The following GRM1 variants were observed in gnomAD, a reference collection of about 807,000 sequenced individuals.
GRM1 encodes the protein glutamate metabotropic receptor 1.
GRM1 carries 33 observed loss-of-function variants against 90.9 expected under a neutral mutation model. The observed-to-expected ratio is 0.36, with a 90% CI of 0.28 to 0.49. GRM1 has a LOEUF of 0.49. Ranked by LOEUF, GRM1 falls within the 20% of genes least tolerant of loss-of-function variation. The pLI, the probability that GRM1 is intolerant of heterozygous loss-of-function variation, is 0.99. For synonymous variants in GRM1, 700 were observed against 613.2 expected, an observed-to-expected ratio of 1.14 and a Z score of -2.09; for missense variants, 1,190 against 1,534.3, an observed-to-expected ratio of 0.78 and a Z score of 3.75.
intron 6 of GRM1, among the ~76,000 whole-genome samples, chr6:146,397,473 CAAAAAAAAAAGAAAAAAAAAAA>C (rs899472653): frequency 6.6e-4 from 11 of 16,762 alleles, no homozygotes; most frequent in African/African-American, 2.0e-3. Context: ...GACCCCGTCT[CAAAAAAAAAAGAAAAAAAAAAA>C]AAAAAAAAAA....
At chr6:146,169,533 A>G (rs1276968624) in intron 2 of GRM1, among the ~76,000 whole-genome samples, 1 of 152,118 alleles carries the variant, frequency 6.6e-6, no homozygotes, top group African/African-American at 2.4e-5. Context: ...TAAAGACTGG[A>G]GGGAATCCCT....
At chr6:146,367,431 T>C (rs968291912) in intron 5 of GRM1, among the ~76,000 whole-genome samples, 8 of 152,148 alleles carry the variant, frequency 5.3e-5, no homozygotes, top group Admixed American at 1.3e-4. Context: ...TCTATTTTTA[T>C]TTTTTACTTT....
At chr6:146,230,157 G>T (rs954418860) in intron 2 of GRM1, among the ~76,000 whole-genome samples, 6 of 152,126 alleles carry the variant, frequency 3.9e-5, no homozygotes, top group Non-Finnish European at 8.8e-5. Flanking sequence ...TGCATACATT[G>T]TTTTCTACTA....
At chr6:146,247,828 A>C (rs1781125493) in intron 2 of GRM1, among the ~76,000 whole-genome samples, 1 of 147,980 alleles carries the variant, frequency 6.8e-6, no homozygotes, top group Admixed American at 6.8e-5. Context: ...ATAAAATTAC[A>C]TATTATATGT....
intron 1 of GRM1, among the ~76,000 whole-genome samples, chr6:146,041,696 C>G (rs1324474841): frequency 6.6e-6 from 1 of 151,898 alleles, no homozygotes; most frequent in African/African-American, 2.4e-5. Context: ...TTTTTCACTT[C>G]TCTGTGGCTT....
intron 3 of GRM1, among the ~76,000 whole-genome samples, chr6:146,318,849 GT>G (rs1483206859): frequency 6.6e-6 from 1 of 151,944 alleles, no homozygotes; most frequent in Non-Finnish European, 1.5e-5. Flanking sequence ...TGATGGGGTT[GT>G]TTTTTTCTTG....
intron 1 of GRM1, among the ~76,000 whole-genome samples, chr6:146,138,191 A>T (rs1358591192): frequency 6.6e-6 from 1 of 152,048 alleles, no homozygotes; most frequent in East Asian, 1.9e-4. Context: ...TTTCAGTACT[A>T]TGTTAAATAA....
intron 5 of GRM1, among the ~76,000 whole-genome samples, chr6:146,380,598 G>T (rs914636696): frequency 6.6e-6 from 1 of 152,074 alleles, no homozygotes; most frequent in African/African-American, 2.4e-5. Flanking sequence ...TCAAGCTATG[G>T]AATCAAGGAC....
chr6:146,150,936 GCGCACA>G (rs1554273687), intron 1 of GRM1, among the ~76,000 whole-genome samples: 2 of 44,650 alleles, frequency 4.5e-5, no homozygotes, highest in Admixed American at 1.9e-4. Flanking sequence ...ACGCGTGTGC[GCGCACA>G]CACACACACA....
chr6:146,175,037 T>C (rs991669001), intron 2 of GRM1, among the ~76,000 whole-genome samples: 1 of 152,162 alleles, frequency 6.6e-6, no homozygotes, highest in Non-Finnish European at 1.5e-5. Context: ...CAGTCTTTGG[T>C]AACTAATTGT....
chr6:146,056,599 C>A (rs1029941863), intron 1 of GRM1, among the ~76,000 whole-genome samples: 13 of 152,042 alleles, frequency 8.6e-5, no homozygotes, highest in African/African-American at 3.1e-4. Flanking sequence ...CGGCATGTCA[C>A]GCTTTTACTC....
At chr6:146,079,052 G>A (rs1175976877) in intron 1 of GRM1, among the ~76,000 whole-genome samples, 1 of 152,214 alleles carries the variant, frequency 6.6e-6, no homozygotes, top group Non-Finnish European at 1.5e-5. Context: ...AGGAACCGGA[G>A]GGGCCAGGCT....
intron 1 of GRM1, among the ~76,000 whole-genome samples, chr6:146,056,641 G>A (rs77343635): frequency 1.1e-3 from 173 of 152,206 alleles, no homozygotes; most frequent in African/African-American, 4.0e-3. Flanking sequence ...TTAGGGATTT[G>A]TGCCAAGTGA....
chr6:146,409,825 T>C (rs1777493934), intron 7 of GRM1, among the ~76,000 whole-genome samples: 4 of 152,310 alleles, frequency 2.6e-5, no homozygotes, highest in Admixed American at 2.0e-4. Context: ...ATGCAAATTA[T>C]CTGTAAGATA....
At chr6:146,375,175 G>A (rs1329084363) in intron 5 of GRM1, among the ~76,000 whole-genome samples, 1 of 151,972 alleles carries the variant, frequency 6.6e-6, no homozygotes, top group Non-Finnish European at 1.5e-5. Flanking sequence ...CGTAGTTTGT[G>A]TAGTGTCCAG....
chr6:146,136,169 T>C (rs1776610532), intron 1 of GRM1, among the ~76,000 whole-genome samples: 1 of 152,258 alleles, frequency 6.6e-6, no homozygotes, highest in Admixed American at 6.5e-5. Flanking sequence ...ATTTTCTCTA[T>C]CCATTTGTCT....
At chr6:146,164,135 C>CA (rs1777830734) in intron 2 of GRM1, among the ~76,000 whole-genome samples, 1 of 151,888 alleles carries the variant, frequency 6.6e-6, no homozygotes, top group Non-Finnish European at 1.5e-5. Flanking sequence ...TGTATGAGCA[C>CA]AAAAAATAGC....
At chr6:146,156,604 T>A (rs571806643) in intron 1 of GRM1, among the ~76,000 whole-genome samples, 1 of 152,340 alleles carries the variant, frequency 6.6e-6, no homozygotes, top group Non-Finnish European at 1.5e-5. Flanking sequence ...ATTCTTTAGC[T>A]TAAATGATGT....
intron 1 of GRM1, among the ~76,000 whole-genome samples, chr6:146,083,204 C>G (rs1342967457): frequency 6.6e-6 from 1 of 152,150 alleles, no homozygotes; most frequent in African/African-American, 2.4e-5. Flanking sequence ...TTCCTCTCTT[C>G]CTATTTGAAT....
Sources: gnomAD v4.1 joint callset for allele counts (sites outside exome capture counted in the v4.1 genomes callset) on GRCh38, gnomAD v4.1.1 for gene constraint, MANE v1.5 for transcripts, NCBI Gene and HGNC (gene_info 2026-07-23, HGNC 2026-07-21) for gene names.